Variants in PAK2 observed in about 807,000 individuals in gnomAD.
The protein encoded by PAK2 is p21 (RAC1) activated kinase 2, also known as serine/threonine-protein kinase PAK 2.
A neutral mutation model predicts 65.9 loss-of-function variants in PAK2; 21 were observed. The observed-to-expected ratio is 0.32, with a 90% CI of 0.23 to 0.46. The LOEUF (loss-of-function observed/expected upper bound fraction) is 0.46. Ranked by LOEUF, PAK2 falls within the 20% of genes least tolerant of loss-of-function variation. The pLI is 1.00. For missense variants in PAK2, 324 were observed against 642.6 expected, an observed-to-expected ratio of 0.50 and a Z score of 5.36; for synonymous variants, 204 against 219.7, an observed-to-expected ratio of 0.93 and a Z score of 0.63.
rs151315506 is a variant in PAK2 at position 196,752,984 on chromosome 3, AT to A, written c.-22+12841del. Among the ~76,000 whole-genome samples the A allele has an allele frequency of 8.7e-4, 129 of 147,918 alleles. 1 individual carries two copies. In the East Asian group the frequency reaches 0.011, roughly 12 times the overall value. ...TGAGAATGGGTTAAGAGAAAAAAAAATTTTTTTTTTTTTTGAGACGGAGTCT... is the reference window on the plus strand; with the variant it reads ...TGAGAATGGGTTAAGAGAAAAAAAAATTTTTTTTTTTTTGAGACGGAGTCT... On this transcript the variant is annotated intron_variant, in intron 1 of 14. Coordinates refer to ENST00000327134, the MANE Select transcript of PAK2 (RefSeq NM_002577.4).
At chr3:196,745,646 C>G (rs941458943) in intron 1 of PAK2, among the ~76,000 whole-genome samples, 3 of 151,990 alleles carry the variant, frequency 2.0e-5, no homozygotes, top group African/African-American at 2.4e-5. Flanking sequence ...AACCTTGTGT[C>G]TACTGAAAAC....
intron 1 of PAK2, among the ~76,000 whole-genome samples, chr3:196,782,370 C>A (rs1037213622): frequency 5.9e-5 from 9 of 151,824 alleles, no homozygotes; most frequent in Non-Finnish European, 1.3e-4. Context: ...ATTGATTAGA[C>A]CAGTAGCTTT....
chr3:196,742,762 A>C (rs1010765052), intron 1 of PAK2, among the ~76,000 whole-genome samples: 1 of 152,126 alleles, frequency 6.6e-6, no homozygotes, highest in Non-Finnish European at 1.5e-5. Flanking sequence ...AAAATACAAC[A>C]AAAAATTAGC....
chr3:196,823,543 G>GCAAACAAACAAA (rs200749102), intron 13 of PAK2, among the ~76,000 whole-genome samples: 1 of 151,628 alleles, frequency 6.6e-6, no homozygotes, highest in Admixed American at 6.6e-5. Flanking sequence ...CTGGATCCCC[G>GCAAACAAACAAA]CAAACAAACA....
rs565747759 is a variant in PAK2, at chr3:196,779,821, C to T, written c.-21-2805C>T. 1.8e-4 allele frequency among the ~76,000 whole-genome samples: 28 copies of T among 152,308 alleles called. 1 individual carries two copies. Among genetic ancestry groups the T allele is most frequent in the Admixed American group, 1.6e-3 (25 of 15,296 alleles). ...GAGTAGCTGGGACTACAGGCGTGCG[C>T]CACCACACCTGACTAATTTTTGTAT... On this transcript the variant is annotated intron_variant, in intron 1 of 14. Transcript: ENST00000327134.
chr3:196,776,943 T>A (rs895364741), intron 1 of PAK2, among the ~76,000 whole-genome samples: 8 of 152,334 alleles, frequency 5.3e-5, no homozygotes, highest in Middle Eastern at 3.4e-3. Flanking sequence ...CAGGTGGGTA[T>A]CTGCGTAAGA....
intron 2 of PAK2, among the ~76,000 whole-genome samples, chr3:196,792,779 A>G (rs992142563): frequency 6.6e-6 from 1 of 151,748 alleles, no homozygotes; most frequent in Non-Finnish European, 1.5e-5. Flanking sequence ...CTCCCTCCCA[A>G]GACCCAACTA....
intron 6 of PAK2, among the ~76,000 whole-genome samples, chr3:196,807,039 T>C (rs1182399085): frequency 6.6e-6 from 1 of 152,172 alleles, no homozygotes; most frequent in African/African-American, 2.4e-5. Flanking sequence ...ACCCAGATTA[T>C]GCATTTTAAT....
chr3:196,822,260 C>T (rs1191560602), intron 13 of PAK2, among the ~76,000 whole-genome samples: 1 of 152,154 alleles, frequency 6.6e-6, no homozygotes, highest in Non-Finnish European at 1.5e-5. Context: ...CACAAAAATT[C>T]CTGCTCTTAC....
chr3:196,744,740 A>C (rs1016223952), intron 1 of PAK2, among the ~76,000 whole-genome samples: 1 of 152,138 alleles, frequency 6.6e-6, no homozygotes, highest in South Asian at 2.1e-4. Flanking sequence ...TGGCACCTCT[A>C]CTTTTTAAGT....
chr3:196,773,132 A>G (rs1714413521), intron 1 of PAK2, among the ~76,000 whole-genome samples: 1 of 152,140 alleles, frequency 6.6e-6, no homozygotes, highest in African/African-American at 2.4e-5. Flanking sequence ...TGTCACAGTT[A>G]AACAGTGGGC....
intron 1 of PAK2, among the ~76,000 whole-genome samples, chr3:196,759,904 T>G (rs1188519688): frequency 6.6e-6 from 1 of 152,104 alleles, no homozygotes; most frequent in Non-Finnish European, 1.5e-5. Context: ...TTGCACCACC[T>G]CAGAGAGAAA....
chr3:196,761,742 G>A (rs1713973076), intron 1 of PAK2, among the ~76,000 whole-genome samples: 1 of 147,036 alleles, frequency 6.8e-6, no homozygotes, highest in South Asian at 2.2e-4. Context: ...GCCGGGCAGA[G>A]GCGCCCCTCA....
chr3:196,793,031 A>G (rs977959488), intron 2 of PAK2, among the ~76,000 whole-genome samples: 2 of 152,164 alleles, frequency 1.3e-5, no homozygotes, highest in Admixed American at 6.6e-5. Context: ...TTAGAGGCAC[A>G]CGACACTGTG....
At chr3:196,764,115 G>A (rs975361167) in intron 1 of PAK2, among the ~76,000 whole-genome samples, 22 of 151,880 alleles carry the variant, frequency 1.4e-4, no homozygotes, top group Middle Eastern at 3.2e-3. Flanking sequence ...TGCTGCTTTT[G>A]TATCTTTGCA....
In PAK2 at chr3:196,751,660, AATTTATTTATATACAT is replaced by A. The variant is rs1215683168; in HGVS notation, c.-22+11506_-22+11521del. On this transcript the variant is annotated intron_variant, in intron 1 of 14. Coordinates refer to ENST00000327134, the MANE Select transcript of PAK2 (RefSeq NM_002577.4). ...AGACTGTCCCCCCAAAAAACACACA[AATTTATTTATATACAT>A]ATATATATATATATATATAATTCAG... Among the ~76,000 whole-genome samples the A allele has an allele frequency of 3.7e-4, 15 of 40,260 alleles. 3 individuals carry two copies. Among genetic ancestry groups the A allele is most frequent in the Admixed American group, 8.4e-4 (3 of 3,570 alleles). 26.4% of individuals were successfully genotyped at this position (40,260 alleles called of 152,430 possible).
chr3:196,784,001 T>C (rs533911172), intron 2 of PAK2, among the ~76,000 whole-genome samples: 29 of 152,312 alleles, frequency 1.9e-4, no homozygotes, highest in Non-Finnish European at 3.1e-4. Flanking sequence ...ATGAATAGTG[T>C]TGCTATGGAT....
chr3:196,803,454 C>G (rs1461907731), intron 4 of PAK2, among the ~76,000 whole-genome samples: 4 of 151,856 alleles, frequency 2.6e-5, no homozygotes, highest in Admixed American at 2.6e-4. Flanking sequence ...TTTCATTTTT[C>G]ACTCTTCACT....
chr3:196,767,665 T>C (rs112092116), intron 1 of PAK2, among the ~76,000 whole-genome samples: 1,662 of 152,044 alleles, frequency 0.011, 47 homozygotes, highest in African/African-American at 0.038. Context: ...ATTTTTTCTG[T>C]GTGTGCTTTT....
Sources: allele counts gnomAD v4.1 joint callset (sites outside exome capture counted in the v4.1 genomes callset), GRCh38; gene constraint gnomAD v4.1.1; transcripts MANE v1.5; gene names NCBI Gene and HGNC (gene_info 2026-07-23, HGNC 2026-07-21).